Variants in PRMT8 observed in about 807,000 individuals in gnomAD.
The protein encoded by PRMT8 is protein arginine methyltransferase 8, also known as protein arginine N-methyltransferase 8.
Under a neutral mutation model 47.1 loss-of-function variants are expected in PRMT8, and 7 were observed. That is an observed-to-expected ratio of 0.15 (90% CI 0.08 to 0.28). The LOEUF is 0.28. Among genes scored for constraint, PRMT8 ranks in the 10% least tolerant of loss-of-function variants. The probability of loss-of-function intolerance (pLI) is 1.00; values close to 1 mark genes in which losing one functional copy is unlikely to be tolerated. For missense variants in PRMT8, 237 were observed against 505.4 expected (o/e 0.47, Z 5.09); for synonymous variants, 188 against 186.5 (o/e 1.01, Z -0.07).
At chr12:3,548,071 C>A (rs1866356975) in intron 2 of PRMT8, among the ~76,000 whole-genome samples, 1 of 152,092 alleles carries the variant, frequency 6.6e-6, no homozygotes, top group Admixed American at 6.5e-5. Flanking sequence ...ATCAGAGAGG[C>A]CACACATGTA....
At chr12:3,533,424 T>C (rs539669591) in intron 1 of PRMT8, among the ~76,000 whole-genome samples, 9 of 152,376 alleles carry the variant, frequency 5.9e-5, no homozygotes, top group Non-Finnish European at 1.2e-4. Flanking sequence ...CCACAGACTT[T>C]CTTAAAATAC....
intron 1 of PRMT8, among the ~76,000 whole-genome samples, chr12:3,385,195 T>C (rs1232201125): frequency 6.6e-6 from 1 of 152,208 alleles, no homozygotes; most frequent in African/African-American, 2.4e-5. Flanking sequence ...ATTTTACTTT[T>C]TATAACAACT....
intron 1 of PRMT8, among the ~76,000 whole-genome samples, chr12:3,479,740 A>T (rs1865254720): frequency 6.6e-6 from 1 of 152,186 alleles, no homozygotes; most frequent in South Asian, 2.1e-4. Context: ...AAGAGCACTC[A>T]ATGCCCTTGG....
intron 1 of PRMT8, among the ~76,000 whole-genome samples, chr12:3,507,367 C>T (rs549509696): frequency 5.3e-5 from 8 of 152,200 alleles, no homozygotes; most frequent in East Asian, 1.9e-4. Context: ...GTGATCCGCC[C>T]GCCTCGGCCT....
intron 1 of PRMT8, among the ~76,000 whole-genome samples, chr12:3,450,776 C>A (rs547908260): frequency 1.3e-5 from 2 of 152,140 alleles, no homozygotes. Flanking sequence ...AAGTGTACTC[C>A]AAAGTTGAGA....
At chr12:3,408,249 T>G (rs1565400633) in intron 1 of PRMT8, among the ~76,000 whole-genome samples, 1 of 151,690 alleles carries the variant, frequency 6.6e-6, no homozygotes, top group African/African-American at 2.4e-5. Context: ...TTTTTTTTCT[T>G]TCTAGATCAT....
intron 4 of PRMT8, among the ~76,000 whole-genome samples, chr12:3,563,276 C>G (rs1325131341): frequency 6.6e-6 from 1 of 151,956 alleles, no homozygotes; most frequent in Non-Finnish European, 1.5e-5. Flanking sequence ...CCTGAGCCCT[C>G]AAGAGAGCCA....
intron 1 of PRMT8, among the ~76,000 whole-genome samples, chr12:3,451,033 ACCCCCCCCCCCCC>A (rs71061115): frequency 2.7e-4 from 7 of 26,122 alleles, no homozygotes; most frequent in Non-Finnish European, 4.0e-4. Flanking sequence ...TCTTGCTGAC[ACCCCCCCCCCCCC>A]CCCCCCCCCG....
At chr12:3,408,462 C>T (rs903377333) in intron 1 of PRMT8, among the ~76,000 whole-genome samples, 1 of 152,164 alleles carries the variant, frequency 6.6e-6, no homozygotes, top group African/African-American at 2.4e-5. Flanking sequence ...GTCTTAAACT[C>T]ATGGACTCAA....
chr12:3,431,380 C>T (rs556892639), intron 1 of PRMT8, among the ~76,000 whole-genome samples: 8 of 152,098 alleles, frequency 5.3e-5, no homozygotes, highest in African/African-American at 1.9e-4. Context: ...AATGTGGGGC[C>T]GAAGGCAGAA....
intron 1 of PRMT8, among the ~76,000 whole-genome samples, chr12:3,384,408 A>G (rs1864120913): frequency 6.6e-6 from 1 of 152,232 alleles, no homozygotes; most frequent in African/African-American, 2.4e-5. Flanking sequence ...ACTATTCTGA[A>G]TACTTTGAAC....
At chr12:3,488,687 T>A (rs867875127), upstream of PRMT8, among the ~76,000 whole-genome samples, 1 of 152,246 alleles carries the variant, frequency 6.6e-6, no homozygotes, top group African/African-American at 2.4e-5. Flanking sequence ...GTGGGATGAC[T>A]AAACTAATTA....
intron 1 of PRMT8, among the ~76,000 whole-genome samples, chr12:3,532,242 TTTATA>T (rs1232949014): frequency 2.7e-5 from 4 of 149,136 alleles, no homozygotes; most frequent in Non-Finnish European, 5.9e-5. Flanking sequence ...CTCTTAGAAA[TTTATA>T]TTATATAATA....
At chr12:3,487,700 A>C (rs1865335585), upstream of PRMT8, among the ~76,000 whole-genome samples, 2 of 152,176 alleles carry the variant, frequency 1.3e-5, no homozygotes, top group South Asian at 4.2e-4. Flanking sequence ...TCTCATCCCA[A>C]CCATCAACAC....
chr12:3,451,264 C>T (rs1864916382), intron 1 of PRMT8, among the ~76,000 whole-genome samples: 1 of 152,130 alleles, frequency 6.6e-6, no homozygotes, highest in South Asian at 2.1e-4. Context: ...ATGCTTTAAT[C>T]TAGCTTCTTC....
chr12:3,587,052 C>T (rs181322450), intron 8 of PRMT8, among the ~76,000 whole-genome samples: 38 of 152,178 alleles, frequency 2.5e-4, no homozygotes, highest in Admixed American at 2.2e-3. Context: ...GACAACTGAC[C>T]GAGTAACCCT....
intron 1 of PRMT8, among the ~76,000 whole-genome samples, chr12:3,539,696 C>T (rs185847029): frequency 7.9e-5 from 12 of 152,284 alleles, no homozygotes; most frequent in East Asian, 1.9e-4. Context: ...CTCCCTGCTC[C>T]GCCTAGCCTG....
At chr12:3,389,366 TTC>T in intron 1 of PRMT8, among the ~76,000 whole-genome samples, 1 of 152,254 alleles carries the variant, frequency 6.6e-6, no homozygotes, top group South Asian at 2.1e-4. Context: ...TAAGGTTACA[TTC>T]TCGTCCAGCC....
chr12:3,418,367 G>A (rs1864504553), intron 1 of PRMT8, among the ~76,000 whole-genome samples: 1 of 152,192 alleles, frequency 6.6e-6, no homozygotes, highest in South Asian at 2.1e-4. Flanking sequence ...AAAAGAAAAG[G>A]GGGCATGGCC....
Sources: allele counts gnomAD v4.1 joint callset (sites outside exome capture counted in the v4.1 genomes callset), GRCh38; gene constraint gnomAD v4.1.1; transcripts MANE v1.5; gene names NCBI Gene and HGNC (gene_info 2026-07-23, HGNC 2026-07-21).